NUF2: variants seen among roughly 807,000 people sequenced by gnomAD.
The protein encoded by NUF2 is kinetochore protein Nuf2.
In NUF2, 34 loss-of-function variants were observed where a neutral mutation model predicts 61.8. The observed-to-expected ratio is 0.55, with a 90% CI of 0.42 to 0.73. NUF2 has a LOEUF of 0.73. Ranked by LOEUF, NUF2 falls within the 30% of genes least tolerant of loss-of-function variation. The probability of loss-of-function intolerance (pLI) is 0.00; values close to 1 mark genes in which losing one functional copy is unlikely to be tolerated. For synonymous variants in NUF2, 172 were observed against 181.6 expected, an observed-to-expected ratio of 0.95 and a Z score of 0.42; for missense variants, 445 against 539.1, an observed-to-expected ratio of 0.83 and a Z score of 1.73.
At chr1:163,326,872 C>T (rs569496309) in intron 2 of NUF2, among the ~76,000 whole-genome samples, 3 of 152,242 alleles carry the variant, frequency 2.0e-5, no homozygotes, top group East Asian at 3.9e-4. Flanking sequence ...AAGATTACCA[C>T]GTTTTCCCTA....
intron 1 of NUF2, among the ~76,000 whole-genome samples, chr1:163,322,576 A>C (rs1478268050): frequency 2.0e-5 from 3 of 152,250 alleles, no homozygotes. Context: ...TGTTCCTTTT[A>C]AAAGTTCAAG....
chr1:163,333,924 A>G (rs188976808), intron 5 of NUF2, among the ~76,000 whole-genome samples: 38 of 152,324 alleles, frequency 2.5e-4, no homozygotes, highest in Non-Finnish European at 3.4e-4. Context: ...TCACTCAAGT[A>G]GTGAACATTG....
Position 163,345,825 on chromosome 1 carries a change from A to G in NUF2, c.948+7A>G. ...AGCCAGTATCTTAAAGGAGGTTTGT[A>G]TTGTATGGAATTTTGATGTCTTTAT... On this transcript the variant is annotated splice_region_variant and intron_variant, in intron 11 of 13. Transcript: ENST00000271452. 1 of 1,571,394 alleles carries G rather than the reference A, an allele frequency of 6.4e-7. No homozygotes were observed. Among genetic ancestry groups the G allele is most frequent in the Non-Finnish European group, 8.7e-7 (1 of 1,153,420 alleles).
At chr1:163,337,879 C>G in intron 6 of NUF2, 141 bp from the exon 7 acceptor site, 1 of 616,094 alleles carries the variant, frequency 1.6e-6, no homozygotes, top group Non-Finnish European at 2.9e-6. Flanking sequence ...AAAGAAATTC[C>G]TAATTCATTT....
At chr1:163,352,286 G>C (rs965817771) in intron 13 of NUF2, among the ~76,000 whole-genome samples, 1 of 152,166 alleles carries the variant, frequency 6.6e-6, no homozygotes, top group Non-Finnish European at 1.5e-5. Context: ...TAATTTTGTA[G>C]TAGTCATGGA....
chr1:163,352,478 T>C (rs957259922), intron 13 of NUF2, among the ~76,000 whole-genome samples: 3 of 152,256 alleles, frequency 2.0e-5, no homozygotes, highest in Non-Finnish European at 4.4e-5. Flanking sequence ...TTTCAACAAA[T>C]GGCCAATGTA....
chr1:163,350,836 A>C (rs904444812), intron 13 of NUF2, among the ~76,000 whole-genome samples: 1 of 152,144 alleles, frequency 6.6e-6, no homozygotes, highest in Non-Finnish European at 1.5e-5. Context: ...ATTGTGTTCA[A>C]TGGTATAGAG....
chr1:163,339,492 G>T lies in NUF2; in HGVS notation c.606+15G>T, dbSNP rs1650870361. On this transcript the variant is annotated intron_variant, in intron 8 of 13. Coordinates refer to ENST00000271452, the MANE Select transcript of NUF2 (RefSeq NM_145697.3). Reference sequence around the variant, plus strand: ...ATCAAAAAACGGTATCTGTTGTGAGGCACCTTAAACTTTAAAAAACAAAAT... The same window carrying T: ...ATCAAAAAACGGTATCTGTTGTGAGTCACCTTAAACTTTAAAAAACAAAAT... 2 of 1,528,402 alleles carry T rather than the reference G, an allele frequency of 1.3e-6. No homozygotes were observed. The highest frequency in any genetic ancestry group is 9.1e-7 in the Non-Finnish European group (1 of 1,103,542). 94.7% of individuals were successfully genotyped at this position (1,528,402 alleles called of 1,614,324 possible).
At position 163,338,479 on chromosome 1, in the gene NUF2, T is replaced by C. The variant is rs1420035579; in HGVS notation, c.509+386T>C. Among the ~76,000 whole-genome samples, 5 of 152,192 alleles carry C rather than the reference T, an allele frequency of 3.3e-5. No homozygotes were observed. The East Asian group carries it at 9.6e-4, about 29-fold the overall frequency. ...ACTCCTACAACAAAGTTTTCATTTATTTGTTTTGTTTTTGACTTATAGGTT... is the reference window on the plus strand; with the variant it reads ...ACTCCTACAACAAAGTTTTCATTTACTTGTTTTGTTTTTGACTTATAGGTT... On this transcript the variant is annotated intron_variant, in intron 7 of 13. Transcript: ENST00000271452.
chr1:163,334,484 T>G (rs1158348625), intron 5 of NUF2, among the ~76,000 whole-genome samples: 1 of 152,160 alleles, frequency 6.6e-6, no homozygotes, highest in African/African-American at 2.4e-5. Context: ...TTGAAAGGTA[T>G]TTTTCTTGAG....
intron 8 of NUF2, 55 bp downstream of exon 8, chr1:163,339,532 G>A: frequency 9.7e-7 from 1 of 1,026,598 alleles, no homozygotes; most frequent in Non-Finnish European, 1.5e-6. Flanking sequence ...TTGTAGATGT[G>A]GTGGGACATA....
intron 13 of NUF2, among the ~76,000 whole-genome samples, chr1:163,352,504 G>C (rs749846608): frequency 4.6e-5 from 7 of 152,172 alleles, no homozygotes; most frequent in Non-Finnish European, 1.0e-4. Context: ...TAGGTGTCAG[G>C]CTTCACACTT....
chr1:163,341,483 C>T (rs957826341), intron 9 of NUF2, among the ~76,000 whole-genome samples: 3 of 152,146 alleles, frequency 2.0e-5, no homozygotes, highest in Non-Finnish European at 2.9e-5. Context: ...GCTGGGATTA[C>T]AGGCATGAGC....
intron 5 of NUF2, among the ~76,000 whole-genome samples, chr1:163,330,464 A>T (rs1341498227): frequency 6.6e-6 from 1 of 152,170 alleles, no homozygotes; most frequent in East Asian, 1.9e-4. Flanking sequence ...TACTTTGATT[A>T]TTTAGCTTTA....
rs373612246 is a variant in NUF2 at position 163,334,094 on chromosome 1, T to C, written c.338-2657T>C. On this transcript the variant is annotated intron_variant, in intron 5 of 13. Coordinates refer to ENST00000271452, the MANE Select transcript of NUF2 (RefSeq NM_145697.3). The stretch of plus-strand genomic sequence containing the variant: ...ATTTGACTTTCTGTTTCTGAGTTAT[T>C]TCACTTAGGATAATGGCCTCAAGTT... Among the ~76,000 whole-genome samples, 16 of 152,318 alleles carry C rather than the reference T, an allele frequency of 1.1e-4. 1 individual carries two copies. In the East Asian group the frequency reaches 2.9e-3, roughly 28 times the overall value.
chr1:163,354,755 G>A (rs1254819305), intron 13 of NUF2, among the ~76,000 whole-genome samples: 2 of 151,892 alleles, frequency 1.3e-5, no homozygotes, highest in African/African-American at 4.8e-5. Flanking sequence ...TATTATATTT[G>A]ACAAGTATGA....
intron 8 of NUF2, among the ~76,000 whole-genome samples, chr1:163,339,889 C>A (rs1254586469): frequency 6.6e-6 from 1 of 152,134 alleles, no homozygotes; most frequent in African/African-American, 2.4e-5. Flanking sequence ...TTTTTGGTCA[C>A]ATTCCTTTCA....
Position 163,349,064 on chromosome 1 carries a change from A to G in NUF2, c.1244A>G (p.Glu415Gly), listed in dbSNP as rs771942990. 6 of 1,606,066 alleles carry G rather than the reference A, an allele frequency of 3.7e-6. No individual in the cohort carries two copies. In the Admixed American group the frequency reaches 8.6e-5, roughly 23 times the overall value. Reference sequence around the variant, plus strand: ...CAACTAAAAGATGCTGCTGAAAGGGAGAAACTGAAGTCCCAGGTGAATATG... The same window carrying G: ...CAACTAAAAGATGCTGCTGAAAGGGGGAAACTGAAGTCCCAGGTGAATATG... ...IQQLKDAAER[E>G]KLKSQEIFLN... Residue 415 changes from glutamate (E) to glycine (G), a missense_variant, in exon 13 of 14, where the codon GAG becomes GGG. Transcript: ENST00000271452.
intron 13 of NUF2, among the ~76,000 whole-genome samples, chr1:163,354,547 G>A (rs1016603668): frequency 4.0e-5 from 6 of 151,844 alleles, no homozygotes; most frequent in East Asian, 3.9e-4. Context: ...GAAAAATTTA[G>A]TGGGAGAGAC....
Sources: allele counts gnomAD v4.1 joint callset (sites outside exome capture counted in the v4.1 genomes callset), GRCh38; gene constraint gnomAD v4.1.1; transcripts MANE v1.5; gene names NCBI Gene and HGNC (gene_info 2026-07-23, HGNC 2026-07-21).